LRGUK: variants seen among roughly 807,000 people sequenced by gnomAD.
LRGUK encodes leucine-rich repeat and guanylate kinase domain-containing protein.
LRGUK carries 65 observed loss-of-function variants against 76.0 expected under a neutral mutation model. That is an observed-to-expected ratio of 0.85 (90% CI 0.70 to 1.05). The LOEUF (loss-of-function observed/expected upper bound fraction) is 1.05. LRGUK is among the 50% of genes least tolerant of loss of function. LRGUK has a pLI of 0.00. For missense variants in LRGUK, 758 were observed against 732.8 expected, an observed-to-expected ratio of 1.03 and a Z score of -0.40; for synonymous variants, 268 against 265.6, an observed-to-expected ratio of 1.01 and a Z score of -0.09.
At chr7:134,263,173 A>G (rs949157914) in intron 19 of LRGUK, among the ~76,000 whole-genome samples, 4 of 151,972 alleles carry the variant, frequency 2.6e-5, no homozygotes, top group Non-Finnish European at 5.9e-5. Flanking sequence ...CTCACTCTCT[A>G]TAGAATCCTC....
At chr7:134,214,847 T>A (rs533554391), downstream of LRGUK, among the ~76,000 whole-genome samples, 127 of 151,298 alleles carry the variant, frequency 8.4e-4, no homozygotes, top group African/African-American at 2.8e-3. Context: ...AGCAACAGCC[T>A]TACATTCTAT....
intron 16 of LRGUK, among the ~76,000 whole-genome samples, chr7:134,232,525 A>C (rs1801926701): frequency 6.6e-6 from 1 of 152,044 alleles, no homozygotes; most frequent in African/African-American, 2.4e-5. Flanking sequence ...TGATCTGCCC[A>C]CCTTGGCCTC....
intron 13 of LRGUK, among the ~76,000 whole-genome samples, chr7:134,197,537 C>T (rs58787920): frequency 0.012 from 1,776 of 152,256 alleles, 36 homozygotes; most frequent in African/African-American, 0.041. Flanking sequence ...GAGTGTGGAA[C>T]TGGTTCCCCA....
intron 10 of LRGUK, among the ~76,000 whole-genome samples, chr7:134,180,692 G>A (rs192253178): frequency 1.4e-3 from 220 of 152,068 alleles, no homozygotes; most frequent in African/African-American, 4.6e-3. Flanking sequence ...AATATTTTTT[G>A]CCTACAATTT....
chr7:134,192,781 A>G (rs1800312232), intron 12 of LRGUK, among the ~76,000 whole-genome samples: 1 of 152,040 alleles, frequency 6.6e-6, no homozygotes, highest in African/African-American at 2.4e-5. Flanking sequence ...CATTGTTTCT[A>G]TCACCAAGTA....
chr7:134,249,918 G>A (rs973292804), intron 18 of LRGUK, among the ~76,000 whole-genome samples: 2 of 152,168 alleles, frequency 1.3e-5, no homozygotes, highest in Non-Finnish European at 2.9e-5. Context: ...CTACTACGGG[G>A]TGCCTCTCTT....
At chr7:134,169,088 G>A (rs1328791825) in intron 7 of LRGUK, among the ~76,000 whole-genome samples, 1 of 151,386 alleles carries the variant, frequency 6.6e-6, no homozygotes, top group Admixed American at 6.6e-5. Flanking sequence ...TTGGATGTAA[G>A]GTGGCCCTAA....
intron 15 of LRGUK, among the ~76,000 whole-genome samples, chr7:134,205,510 C>T (rs951279560): frequency 2.0e-5 from 3 of 152,126 alleles, no homozygotes; most frequent in Admixed American, 2.0e-4. Context: ...TGTGTATAAA[C>T]ACATTACTCA....
chr7:134,160,743 G>GC (rs1456745086), intron 6 of LRGUK, among the ~76,000 whole-genome samples: 3 of 152,062 alleles, frequency 2.0e-5, no homozygotes, highest in Non-Finnish European at 4.4e-5. Context: ...AATGCTGCTT[G>GC]TTTTTTTCTT....
At chr7:134,175,525 G>C (rs1192197984) in intron 8 of LRGUK, among the ~76,000 whole-genome samples, 1 of 152,278 alleles carries the variant, frequency 6.6e-6, no homozygotes, top group Non-Finnish European at 1.5e-5. Flanking sequence ...TCCCTGAAGG[G>C]TGTTTGTGCA....
intron 11 of LRGUK, among the ~76,000 whole-genome samples, chr7:134,184,943 G>C (rs1190310486): frequency 2.0e-5 from 3 of 152,210 alleles, no homozygotes; most frequent in Non-Finnish European, 2.9e-5. Context: ...GGGCATATCT[G>C]TGCTCAGGGA....
At chr7:134,183,619 A>G (rs1457036363) in intron 10 of LRGUK, 115 bp from the exon 11 acceptor site, 6 of 1,054,928 alleles carry the variant, frequency 5.7e-6, no homozygotes, top group Non-Finnish European at 8.2e-6. Context: ...TCTTCTACGC[A>G]GGGTCTTATA....
intron 6 of LRGUK, among the ~76,000 whole-genome samples, chr7:134,158,861 A>T (rs413941): frequency 0.64 from 97,309 of 152,118 alleles, 31,413 homozygotes; most frequent in East Asian, 0.72. Flanking sequence ...TACAGTATTG[A>T]CTGTGAAATA....
rs187773943 is a variant in LRGUK, at chr7:134,157,994, C to A, written c.671-41C>A. On this transcript the variant is annotated intron_variant, in intron 5 of 15. Transcript: ENST00000645682. ...ACTGATTCTTTTTTTCTTCCAAATGCTTTTAATAACATTTTCCTTAAACGT... is the reference window on the plus strand; with the variant it reads ...ACTGATTCTTTTTTTCTTCCAAATGATTTTAATAACATTTTCCTTAAACGT... The A allele has an allele frequency of 6.8e-4, 1,066 of 1,571,112 alleles. 7 individuals are homozygous for A. The African/African-American group carries it at 0.013, about 19-fold the overall frequency.
Position 134,240,946 on chromosome 7 carries a change from C to T in LRGUK, c.1984-6610C>T, listed in dbSNP as rs925286271. ...TTTCAACCCAGAATTTCATATCCAG[C>T]CAAACTAAGCTTCATAAGTGAAGGA... On this transcript the variant is annotated intron_variant, in intron 16 of 19. Transcript: ENST00000285928. Among the ~76,000 whole-genome samples, 12 of 152,128 alleles carry T rather than the reference C, an allele frequency of 7.9e-5. 1 individual carries two copies. Among genetic ancestry groups the T allele is most frequent in the South Asian group, 4.1e-4 (2 of 4,830 alleles).
At chr7:134,216,696 G>A (rs1309648034) in intron 15 of LRGUK, among the ~76,000 whole-genome samples, 1 of 152,158 alleles carries the variant, frequency 6.6e-6, no homozygotes, top group Non-Finnish European at 1.5e-5. Flanking sequence ...TGTCCAGATA[G>A]TAGATATTTT....
chr7:134,191,726 A>G lies in LRGUK; in HGVS notation c.1406A>G (p.Asp469Gly), dbSNP rs761643149. Residue 469 changes from aspartate to glycine, a missense_variant, in exon 12 of 16, where the codon GAC becomes GGC. Physicochemically the swap from Asp to Gly is moderately conservative, Grantham distance 94 (BLOSUM62 -1). Transcript: ENST00000645682. ...GTTGATTATCATTTTATCTCTCAAG[A>G]CGTTTTTGATGAAATGGTGAACATG... is the stretch of plus-strand genomic sequence containing the variant. 5.0e-6 allele frequency: 8 copies of G among 1,612,098 alleles called. 1 individual carries two copies. Among genetic ancestry groups the G allele is most frequent in the Middle Eastern group, 1.7e-4 (1 of 6,052 alleles).
chr7:134,174,611 T>C, exon 8 of LRGUK: 1 of 1,604,400 alleles, frequency 6.2e-7, no homozygotes, highest in Non-Finnish European at 8.5e-7. Flanking sequence ...CTTCGAGTTC[T>C]CAATCTTCTA....
At chr7:134,136,976 T>G in intron 1 of LRGUK, 47 bp from the exon 2 acceptor site, 3 of 1,400,974 alleles carry the variant, frequency 2.1e-6, no homozygotes, top group Non-Finnish European at 3.0e-6. Context: ...ATTGTTTCTT[T>G]TCTAATGAGA....
Sources: gnomAD v4.1 joint callset for allele counts (sites outside exome capture counted in the v4.1 genomes callset) on GRCh38, gnomAD v4.1.1 for gene constraint, MANE v1.5 for transcripts, NCBI Gene and HGNC (gene_info 2026-07-23, HGNC 2026-07-21) for gene names.